The following LSM8 variants were observed in gnomAD, a reference collection of about 807,000 sequenced individuals.
LSM8 encodes LSM8 U6 small nuclear RNA associated.
LSM8 carries 14 observed loss-of-function variants against 15.0 expected under a neutral mutation model. The ratio of observed to expected loss-of-function variants is 0.93; its 90% CI spans 0.62 to 1.46. The LOEUF is 1.46. Among genes scored for constraint, LSM8 ranks in the 40% most tolerant of loss-of-function variants. LSM8 has a pLI of 0.00. For missense variants in LSM8, 90 were observed against 115.4 expected, an observed-to-expected ratio of 0.78 and a Z score of 1.01; for synonymous variants, 50 against 42.1, an observed-to-expected ratio of 1.19 and a Z score of -0.73.
In LSM8 at chr7:118,198,332, T is replaced by G. The variant is rs931607227; in HGVS notation, c.*6330T>G. Among the ~76,000 whole-genome samples, 2 of 152,206 alleles carry G rather than the reference T, an allele frequency of 1.3e-5. No homozygotes were observed. Among genetic ancestry groups the G allele is most frequent in the African/African-American group, 4.8e-5 (2 of 41,464 alleles). ...AATGGATAAGAGCTTGCATATTTAA[T>G]TTTGTATATTAAAACCAAATATTCT... On this transcript the variant is annotated 3_prime_UTR_variant, in exon 4 of 4. Transcript: ENST00000249299.
rs917949159 is a variant in LSM8 at position 118,194,648 on chromosome 7, G to A, written c.*2646G>A. Among the ~76,000 whole-genome samples, 1 of 152,018 alleles carries A rather than the reference G, an allele frequency of 6.6e-6. No individual in the cohort carries two copies. Among genetic ancestry groups the A allele is most frequent in the Non-Finnish European group, 1.5e-5 (1 of 68,002 alleles). Reference sequence around the variant, plus strand: ...GTATTTAATGCAAATACAGAATAACGATGTCAACATTTTCCTCAGCCGTGT... The same window carrying A: ...GTATTTAATGCAAATACAGAATAACAATGTCAACATTTTCCTCAGCCGTGT... On this transcript the variant is annotated 3_prime_UTR_variant, in exon 4 of 4. Transcript: ENST00000249299.
In LSM8 at chr7:118,198,987, G is replaced by A. The variant is rs1419739234; in HGVS notation, c.*6985G>A. Among the ~76,000 whole-genome samples the A allele has an allele frequency of 1.3e-5, 2 of 152,180 alleles. No homozygotes were observed. The highest frequency in any genetic ancestry group is 6.5e-5 in the Admixed American group (1 of 15,272). ...ACCCTGAACACCAAGGCTCAAGAGA[G>A]CTTATTAGCAATACTTTGCATGTGT... is the stretch of plus-strand genomic sequence containing the variant. On this transcript the variant is annotated 3_prime_UTR_variant, in exon 4 of 4. Coordinates refer to ENST00000249299, the MANE Select transcript of LSM8 (RefSeq NM_016200.5).
At chr7:118,185,253 GTT>G (rs113235613) in intron 1 of LSM8, 4 of 143,170 alleles carry the variant, frequency 2.8e-5, no homozygotes, top group Admixed American at 7.0e-5. Flanking sequence ...CTTTTTTTAA[GTT>G]TTTTTTTTTT....
In LSM8 at chr7:118,197,293, A is replaced by G. The variant is rs1009793732; in HGVS notation, c.*5291A>G. Among the ~76,000 whole-genome samples the G allele has an allele frequency of 6.6e-6, 1 of 152,016 alleles. No individual in the cohort carries two copies. The highest frequency in any genetic ancestry group is 1.5e-5 in the Non-Finnish European group (1 of 68,014). On this transcript the variant is annotated 3_prime_UTR_variant, in exon 4 of 4. Coordinates refer to ENST00000249299, the MANE Select transcript of LSM8 (RefSeq NM_016200.5). ...ATTTGAAATACGTTAAAAAGAATCC[A>G]GGAGTCAGGGTGGGTGGGGAGACAA... is the stretch of plus-strand genomic sequence containing the variant.
At position 118,203,812 on chromosome 7, in the gene LSM8, CTTTATA is replaced by C. The variant is rs1809207416; in HGVS notation, c.*11816_*11821del. ...ACATGTATATTATAATATACTCATC[CTTTATA>C]TTTATCATGCTTTTTTGAATAAATT... On this transcript the variant is annotated 3_prime_UTR_variant, in exon 4 of 4. Coordinates refer to ENST00000249299, the MANE Select transcript of LSM8 (RefSeq NM_016200.5). Among the ~76,000 whole-genome samples the C allele has an allele frequency of 6.6e-6, 1 of 151,538 alleles. No individual in the cohort carries two copies. Among genetic ancestry groups the C allele is most frequent in the South Asian group, 2.1e-4 (1 of 4,812 alleles).
At chr7:118,186,308 A>G (rs1370183979) in intron 2 of LSM8, among the ~76,000 whole-genome samples, 1 of 152,162 alleles carries the variant, frequency 6.6e-6, no homozygotes, top group Admixed American at 6.6e-5. Context: ...TCATCTCAAG[A>G]TTTTTGGGTA....
At chr7:118,190,806 A>G (rs1367991727) in intron 3 of LSM8, 1 of 152,102 alleles carries the variant, frequency 6.6e-6, no homozygotes, top group Non-Finnish European at 1.5e-5. Flanking sequence ...TATTACTAGT[A>G]TTCGTCTTTA....
chr7:118,190,903 G>C (rs529646266), intron 3 of LSM8: 1 of 152,012 alleles, frequency 6.6e-6, no homozygotes, highest in Non-Finnish European at 1.5e-5. Context: ...TCAGAGGTTC[G>C]AGACCTGCCT....
In LSM8 at chr7:118,194,826, T is replaced by G. The variant is rs1209519206; in HGVS notation, c.*2824T>G. On this transcript the variant is annotated 3_prime_UTR_variant, in exon 4 of 4. Transcript: ENST00000249299. ...TCATCTTCAAAATTAGTAGGTAGTATTTATTGAGTGCATATCATGTGCCAG... is the reference window on the plus strand; with the variant it reads ...TCATCTTCAAAATTAGTAGGTAGTAGTTATTGAGTGCATATCATGTGCCAG... 6.6e-6 allele frequency among the ~76,000 whole-genome samples: 1 copy of G among 152,204 alleles called. No homozygotes were observed. Among genetic ancestry groups the G allele is most frequent in the African/African-American group, 2.4e-5 (1 of 41,528 alleles).
intron 1 of LSM8, chr7:118,184,882 C>T (rs889252467): frequency 1.2e-4 from 19 of 152,180 alleles, no homozygotes; most frequent in African/African-American, 4.1e-4. Flanking sequence ...AACTGGGTGA[C>T]AAAAATTAAA....
chr7:118,190,318 T>A (rs1331294681), intron 3 of LSM8: 1 of 152,210 alleles, frequency 6.6e-6, no homozygotes, highest in Admixed American at 6.5e-5. Context: ...AGAACAACAC[T>A]GTTTATATTG....
At chr7:118,184,427 C>A in intron 1 of LSM8, 173 bp downstream of exon 1, 2 of 706,144 alleles carry the variant, frequency 2.8e-6, no homozygotes, top group Non-Finnish European at 4.2e-6. Context: ...CTTCCCGCTG[C>A]TGCGGGCCCA....
chr7:118,187,169 C>T (rs535256818), intron 2 of LSM8, among the ~76,000 whole-genome samples: 1 of 152,208 alleles, frequency 6.6e-6, no homozygotes, highest in South Asian at 2.1e-4. Flanking sequence ...TTCCAAGTTA[C>T]AGATTTCATT....
In LSM8 at chr7:118,199,589, C is replaced by A. The variant is rs1182292227; in HGVS notation, c.*7587C>A. On this transcript the variant is annotated 3_prime_UTR_variant, in exon 4 of 4. Transcript: ENST00000249299. ...GGAAATTTTGGAATGGTGATTCTAA[C>A]CTTTAAGGTTGGTGCCATGGAAGGA... Among the ~76,000 whole-genome samples the A allele has an allele frequency of 6.6e-6, 1 of 152,064 alleles. No homozygotes were observed. Among genetic ancestry groups the A allele is most frequent in the African/African-American group, 2.4e-5 (1 of 41,420 alleles).
chr7:118,196,698 A>ATTTT lies in LSM8; in HGVS notation c.*4698_*4701dup, dbSNP rs1248541530. Among the ~76,000 whole-genome samples, 178 of 117,276 alleles carry ATTTT rather than the reference A, an allele frequency of 1.5e-3. 2 individuals carry two copies. Among genetic ancestry groups the ATTTT allele is most frequent in the African/African-American group, 2.9e-3 (97 of 33,686 alleles). The allele number at this position is 117,276 out of a possible 152,430, so 76.9% of individuals were successfully genotyped here. ...TGTTTCTTTTTTTTTAAGTCCTTTA[A>ATTTT]TTTTTATTTATTTATTTATTTATTT... On this transcript the variant is annotated 3_prime_UTR_variant, in exon 4 of 4. Transcript: ENST00000249299.
Position 118,201,315 on chromosome 7 carries a change from A to G in LSM8, c.*9313A>G, listed in dbSNP as rs1809170073. ...TGTGAGCCTGGAGCTGCCATGGAGC[A>G]TGTAGAGAGAGTCTCCTAGTTGATA... On this transcript the variant is annotated 3_prime_UTR_variant, in exon 4 of 4. Coordinates refer to ENST00000249299, the MANE Select transcript of LSM8 (RefSeq NM_016200.5). Among the ~76,000 whole-genome samples, 1 of 152,046 alleles carries G rather than the reference A, an allele frequency of 6.6e-6. No individual in the cohort carries two copies. The highest frequency in any genetic ancestry group is 1.5e-5 in the Non-Finnish European group (1 of 67,970).
chr7:118,196,002 T>G lies in LSM8; in HGVS notation c.*4000T>G, dbSNP rs374189403. On this transcript the variant is annotated 3_prime_UTR_variant, in exon 4 of 4. Transcript: ENST00000249299. ...TTTGGTCAGATGCTTTGATGTGATCTTCATTCCTCTGTATAGTGGGAAACC... is the reference window on the plus strand; with the variant it reads ...TTTGGTCAGATGCTTTGATGTGATCGTCATTCCTCTGTATAGTGGGAAACC... Among the ~76,000 whole-genome samples, 1 of 152,204 alleles carries G rather than the reference T, an allele frequency of 6.6e-6. No individual in the cohort carries two copies. The highest frequency in any genetic ancestry group is 2.4e-5 in the African/African-American group (1 of 41,444).
rs913126163 is a variant in LSM8 at position 118,185,533 on chromosome 7, G to A, written c.32-121G>A. 1.7e-5 allele frequency: 14 copies of A among 829,256 alleles called. No homozygotes were observed. In the South Asian group the frequency reaches 2.0e-4, roughly 12 times the overall value. 51.4% of individuals were successfully genotyped at this position (829,256 alleles called of 1,614,324 possible). On this transcript the variant is annotated intron_variant, in intron 1 of 3. Transcript: ENST00000249299. ...ACGTTTTTATGTAGTGAACTTAGTGGCTGTGTTGAATACTTATACCTAGTT... is the reference window on the plus strand; with the variant it reads ...ACGTTTTTATGTAGTGAACTTAGTGACTGTGTTGAATACTTATACCTAGTT...
At position 118,188,310 on chromosome 7, in the gene LSM8, T is replaced by C; in HGVS notation, c.105T>C (p.Asn35=). Residue 35 remains asparagine (N), a synonymous_variant, in exon 3 of 4, where the codon AAT becomes AAC. Coordinates refer to ENST00000249299, the MANE Select transcript of LSM8 (RefSeq NM_016200.5). The part of the protein sequence containing the change: ...GTLKGFDQTI[N]LILDESHERV... ...TGAAAGGTTTTGACCAGACCATTAATTTGATTTTGGATGAAAGCCATGAAC... is the reference window on the plus strand; with the variant it reads ...TGAAAGGTTTTGACCAGACCATTAACTTGATTTTGGATGAAAGCCATGAAC... 6.2e-7 allele frequency: 1 copy of C among 1,613,730 alleles called. No homozygotes were observed. Among genetic ancestry groups the C allele is most frequent in the Non-Finnish European group, 8.5e-7 (1 of 1,179,610 alleles).
Sources: allele counts gnomAD v4.1 joint callset (sites outside exome capture counted in the v4.1 genomes callset), GRCh38; gene constraint gnomAD v4.1.1; transcripts MANE v1.5; gene names NCBI Gene and HGNC (gene_info 2026-07-23, HGNC 2026-07-21).